The following CTNNA3 variants were observed in gnomAD, a reference collection of about 807,000 sequenced individuals.
The protein encoded by CTNNA3 is catenin alpha 3.
Under a neutral mutation model 95.7 loss-of-function variants are expected in CTNNA3, and 76 were observed. The observed-to-expected ratio is 0.79, with a 90% confidence interval of 0.66 to 0.96. CTNNA3 has a LOEUF of 0.96. Ranked by LOEUF, CTNNA3 falls within the 40% of genes least tolerant of loss-of-function variation. The pLI, the probability that CTNNA3 is intolerant of heterozygous loss-of-function variation, is 0.00. For missense variants in CTNNA3, 1,191 were observed against 1,089.8 expected, an observed-to-expected ratio of 1.09 and a Z score of -1.31; for synonymous variants, 431 against 374.4, an observed-to-expected ratio of 1.15 and a Z score of -1.74.
chr10:67,238,088 C>T (rs1308448538), intron 5 of CTNNA3, among the ~76,000 whole-genome samples: 1 of 152,074 alleles, frequency 6.6e-6, no homozygotes, highest in Non-Finnish European at 1.5e-5. Context: ...AATGAGAATA[C>T]AGAGAGAAGA....
At chr10:67,409,780 G>T (rs1312564416) in intron 5 of CTNNA3, among the ~76,000 whole-genome samples, 1 of 152,100 alleles carries the variant, frequency 6.6e-6, no homozygotes, top group African/African-American at 2.4e-5. Flanking sequence ...TTTTTAAAAA[G>T]AAATGCAAAT....
chr10:66,402,602 C>A (rs72804797), intron 11 of CTNNA3, among the ~76,000 whole-genome samples: 9,225 of 152,180 alleles, frequency 0.061, 394 homozygotes, highest in East Asian at 0.1. Flanking sequence ...GCCTATGGAT[C>A]TCAATCATGG....
At chr10:66,067,013 C>T (rs2080327311) in intron 15 of CTNNA3, among the ~76,000 whole-genome samples, 1 of 151,832 alleles carries the variant, frequency 6.6e-6, no homozygotes, top group African/African-American at 2.4e-5. Context: ...AAAATATACG[C>T]CAAAATGAAG....
chr10:66,247,594 G>C (rs1174529394), intron 13 of CTNNA3, among the ~76,000 whole-genome samples: 1 of 152,072 alleles, frequency 6.6e-6, no homozygotes, highest in East Asian at 1.9e-4. Context: ...CATAAATGCA[G>C]CAAGAGAAAA....
Position 65,951,715 on chromosome 10 carries a change from G to A in CTNNA3, c.2400+14897C>T, listed in dbSNP as rs1408044760. Among the ~76,000 whole-genome samples the A allele has an allele frequency of 2.0e-5, 3 of 151,878 alleles. No individual in the cohort carries two copies. The East Asian group carries it at 5.8e-4, about 29-fold the overall frequency. ...AGTAGCAATGAAGTAAAGAACATGA[G>A]ACCTAGAATGAAATAAAGAACATGA... is the stretch of plus-strand genomic sequence containing the variant. On this transcript the variant is annotated intron_variant, in intron 17 of 17. Transcript: ENST00000433211.
At chr10:67,339,748 C>G (rs913831019) in intron 5 of CTNNA3, among the ~76,000 whole-genome samples, 2 of 152,134 alleles carry the variant, frequency 1.3e-5, no homozygotes, top group African/African-American at 4.8e-5. Context: ...AGTGAGTGCT[C>G]TTACAGTGAA....
At chr10:66,730,792 T>C (rs12357998) in intron 9 of CTNNA3, among the ~76,000 whole-genome samples, 59,030 of 151,884 alleles carry the variant, frequency 0.39, 11,903 homozygotes, top group Non-Finnish European at 0.43. Context: ...TCATTTGCAA[T>C]TGTTATGTGA....
At chr10:66,189,618 A>ATATATATATATATATATATATATG (rs199807873) in intron 13 of CTNNA3, among the ~76,000 whole-genome samples, 3 of 58,500 alleles carry the variant, frequency 5.1e-5, no homozygotes, top group African/African-American at 1.6e-4. Context: ...ATATATATAT[A>ATATATATATATATATATATATATG]CACACATACA....
At chr10:66,583,869 T>A (rs559153302) in intron 10 of CTNNA3, among the ~76,000 whole-genome samples, 1 of 151,956 alleles carries the variant, frequency 6.6e-6, no homozygotes, top group Non-Finnish European at 1.5e-5. Context: ...GAGGTTTTGA[T>A]AACTTGTGTC....
At chr10:66,203,353 C>T (rs189706550) in intron 13 of CTNNA3, among the ~76,000 whole-genome samples, 135 of 152,226 alleles carry the variant, frequency 8.9e-4, no homozygotes, top group African/African-American at 3.1e-3. Flanking sequence ...AATAATACTT[C>T]AAAATGCGGC....
At position 67,232,752 on chromosome 10, in the gene CTNNA3, T is replaced by C. The variant is rs201992433; in HGVS notation, c.580-12882A>G. Among the ~76,000 whole-genome samples the C allele has an allele frequency of 8.5e-3, 1,288 of 151,866 alleles. 51 individuals are homozygous for C. In the East Asian group the frequency reaches 0.13, roughly 15 times the overall value. ...AGAATCAAGACCCATCAGTGTGCTG[T>C]ATTCAGGAAACCCATCTCACGTGCA... is the stretch of plus-strand genomic sequence containing the variant. On this transcript the variant is annotated intron_variant, in intron 5 of 17. Transcript: ENST00000433211.
At chr10:67,216,464 G>T (rs1250313019) in intron 6 of CTNNA3, among the ~76,000 whole-genome samples, 5 of 152,026 alleles carry the variant, frequency 3.3e-5, no homozygotes, top group Non-Finnish European at 7.4e-5. Context: ...AAAAAAATAA[G>T]GGTAAGGAAA....
At chr10:66,262,157 A>G (rs574630453) in intron 13 of CTNNA3, among the ~76,000 whole-genome samples, 2 of 152,098 alleles carry the variant, frequency 1.3e-5, no homozygotes, top group African/African-American at 4.8e-5. Flanking sequence ...TTTGACATTA[A>G]TTAGCTACGT....
At chr10:67,197,602 T>C (rs1589851365) in intron 6 of CTNNA3, among the ~76,000 whole-genome samples, 1 of 152,274 alleles carries the variant, frequency 6.6e-6, no homozygotes, top group African/African-American at 2.4e-5. Flanking sequence ...TCAGATGTTC[T>C]TGATGTGGTC....
chr10:66,053,515 T>C (rs1440316835), intron 15 of CTNNA3, among the ~76,000 whole-genome samples: 1 of 152,046 alleles, frequency 6.6e-6, no homozygotes, highest in African/African-American at 2.4e-5. Flanking sequence ...ATACTCTTCA[T>C]TTTAAAATGT....
chr10:67,393,529 G>T lies in CTNNA3; in HGVS notation c.579+128313C>A, dbSNP rs181024238. ...TGTATGGGTCAAGGAATCAAAAGGA[G>T]GGAAAAAAAATTAGAATGTACTATC... On this transcript the variant is annotated intron_variant, in intron 5 of 17. Coordinates refer to ENST00000433211, the MANE Select transcript of CTNNA3 (RefSeq NM_013266.4). Among the ~76,000 whole-genome samples, 1,421 of 152,016 alleles carry T rather than the reference G, an allele frequency of 9.3e-3. 14 individuals are homozygous for T. The highest frequency in any genetic ancestry group is 0.013 in the Non-Finnish European group (914 of 67,946).
intron 5 of CTNNA3, among the ~76,000 whole-genome samples, chr10:67,384,669 T>A (rs1844077996): frequency 6.6e-6 from 1 of 152,144 alleles, no homozygotes; most frequent in Admixed American, 6.6e-5. Context: ...CAGAACTGTT[T>A]AATAAAACTC....
rs1260004440 is a variant in CTNNA3 at position 66,310,722 on chromosome 10, T to C, written c.1733-30101A>G. Among the ~76,000 whole-genome samples the C allele has an allele frequency of 3.3e-5, 5 of 150,472 alleles. 1 individual carries two copies. The highest frequency in any genetic ancestry group is 2.0e-4 in the East Asian group (1 of 5,104). ...TTTTTTTTTAGGCGGAGTCTGGCTCTGTCTCCCAGGCTGGAGTGCAGTGGT... is the reference window on the plus strand; with the variant it reads ...TTTTTTTTTAGGCGGAGTCTGGCTCCGTCTCCCAGGCTGGAGTGCAGTGGT... On this transcript the variant is annotated intron_variant, in intron 12 of 17. Transcript: ENST00000433211.
rs1442902998 is a variant in CTNNA3 at position 67,394,223 on chromosome 10, TA to T, written c.579+127618del. Among the ~76,000 whole-genome samples, 3 of 151,926 alleles carry T rather than the reference TA, an allele frequency of 2.0e-5. No individual in the cohort carries two copies. In the South Asian group the frequency reaches 6.2e-4, roughly 32 times the overall value. ...CCTAATCATGTAAAATAAGATGTGT[TA>T]ATAATGCTTAACTTTATATCTCAGT... is the stretch of plus-strand genomic sequence containing the variant. On this transcript the variant is annotated intron_variant, in intron 5 of 17. Coordinates refer to ENST00000433211, the MANE Select transcript of CTNNA3 (RefSeq NM_013266.4).
Sources: gnomAD v4.1 joint callset for allele counts (sites outside exome capture counted in the v4.1 genomes callset) on GRCh38, gnomAD v4.1.1 for gene constraint, MANE v1.5 for transcripts, NCBI Gene and HGNC (gene_info 2026-07-23, HGNC 2026-07-21) for gene names.